NEK1: variants seen among roughly 807,000 people sequenced by gnomAD.
NEK1 encodes serine/threonine-protein kinase Nek1.
A neutral mutation model predicts 182.1 loss-of-function variants in NEK1; 137 were observed. That is an observed-to-expected ratio of 0.75 (90% CI 0.65 to 0.87). The LOEUF is 0.87. Among genes scored for constraint, NEK1 ranks in the 40% least tolerant of loss-of-function variants. NEK1 has a pLI of 0.00. For synonymous variants in NEK1, 513 were observed against 492.2 expected (o/e 1.04, Z -0.56); for missense variants, 1,391 against 1,494.4 (o/e 0.93, Z 1.14).
chr4:169,394,438 T>C lies in NEK1; in HGVS notation c.*72A>G. 3.2e-6 allele frequency: 3 copies of C among 949,338 alleles called. No homozygotes were observed. Among genetic ancestry groups the C allele is most frequent in the Non-Finnish European group, 4.9e-6 (3 of 613,756 alleles). 58.8% of individuals were successfully genotyped at this position (949,338 alleles called of 1,614,324 possible). ...AATAAATAATTGCTGTATTTCCCAC[T>C]GAAGCTTGTTATTCTGATAAGCCAA... is the stretch of plus-strand genomic sequence containing the variant. On this transcript the variant is annotated 3_prime_UTR_variant, in exon 36 of 36. Transcript: ENST00000507142.
intron 11 of NEK1, 68 bp downstream of exon 11, chr4:169,580,774 A>G (rs886711573): frequency 1.2e-5 from 11 of 904,696 alleles, no homozygotes; most frequent in Non-Finnish European, 1.8e-5. Context: ...ACATCTACAT[A>G]TATTTCCAGT....
Position 169,401,828 on chromosome 4 carries a change from T to C in NEK1, c.3407A>G (p.Glu1136Gly). ...VFEETDTDLQELQASMEQLLR... is the reference protein window; with the variant it reads ...VFEETDTDLQGLQASMEQLLR... ...TAACTGTTCCATCGAGGCCTGCAGC[T>C]CTTGTAAATCTGTGTCAGTTTCTTC... Residue 1136 changes from glutamate (E) to glycine (G), a missense_variant, in exon 33 of 36, where the codon GAG becomes GGG. This residue lies in a region of NEK1 where 1,216 missense variants were observed against 1,277.6 expected (regional missense o/e 0.95). Transcript: ENST00000507142. 6.2e-7 allele frequency: 1 copy of C among 1,612,836 alleles called. No homozygotes were observed.
At chr4:169,601,889 C>G in intron 4 of NEK1, 119 bp downstream of exon 4, 1 of 698,376 alleles carries the variant, frequency 1.4e-6, no homozygotes, top group South Asian at 1.8e-5. Context: ...TTGAATCAAG[C>G]TGATATTCAT....
chr4:169,477,204 C>T lies in NEK1; in HGVS notation c.2354G>A (p.Arg785His), dbSNP rs757319297. 14 of 1,607,644 alleles carry T rather than the reference C, an allele frequency of 8.7e-6. No homozygotes were observed. Among genetic ancestry groups the T allele is most frequent in the East Asian group, 6.7e-5 (3 of 44,694 alleles). ...TTGACCTCCTGCCTCCCACTTCTTG[C>T]GATCAGATGAAACTGATTTTTCTTT... ...HEKEKSVSSDRKKWEAGGQLV... is the reference protein window; with the variant it reads ...HEKEKSVSSDHKKWEAGGQLV... Residue 785 changes from arginine to histidine, a missense_variant, in exon 26 of 36, where the codon CGC becomes CAC. Around this residue, in one of 5 missense-constraint regions of NEK1, gnomAD observed 1,216 missense variants for 1,277.6 expected, o/e 0.95. Transcript: ENST00000507142.
At chr4:169,537,989 A>ATT in intron 18 of NEK1, 78 bp from the exon 19 acceptor site, 1 of 1,025,224 alleles carries the variant, frequency 9.8e-7, no homozygotes, top group Non-Finnish European at 1.4e-6. Context: ...TTTATCCTAA[A>ATT]TTTTTTTTTC....
chr4:169,588,153 G>A (rs367930611), intron 8 of NEK1, among the ~76,000 whole-genome samples: 3 of 152,052 alleles, frequency 2.0e-5, no homozygotes, highest in African/African-American at 7.2e-5. Context: ...TATGGGCTTG[G>A]GAGCCAGATG....
intron 29 of NEK1, among the ~76,000 whole-genome samples, chr4:169,431,080 C>A (rs1375675154): frequency 2.0e-5 from 3 of 151,656 alleles, no homozygotes; most frequent in Non-Finnish European, 2.9e-5. Context: ...TATTTAAATA[C>A]AAAAATTTCA....
In NEK1 at chr4:169,585,349, C is replaced by G. The variant is rs1430228188; in HGVS notation, c.807G>C (p.Gln269His). The G allele has an allele frequency of 1.2e-6, 2 of 1,611,558 alleles. No individual in the cohort carries two copies. The highest frequency in any genetic ancestry group is 1.3e-5 in the African/African-American group (1 of 74,786). The change falls in exon 10 of 36, where the codon CAG becomes CAC. Residue 269 changes from glutamine to histidine, a missense_variant and splice_region_variant. Physicochemically the swap from Gln to His is conservative, Grantham distance 24. Around this residue, in one of 5 missense-constraint regions of NEK1, gnomAD observed 1,216 missense variants for 1,277.6 expected, o/e 0.95. Coordinates refer to ENST00000507142, the MANE Select transcript of NEK1 (RefSeq NM_001199397.3). Reference sequence around the variant, plus strand: ...TAATTTTAAAGGAAAAAGAACTTACCTGAGGAGAGAGAAACTTTTCAATGC... The same window carrying G: ...TAATTTTAAAGGAAAAAGAACTTACGTGAGGAGAGAGAAACTTTTCAATGC... ...AKRIEKFLSP[Q>H]LIAEEFCLKT...
chr4:169,477,521 G>C (rs760434252), intron 24 of NEK1, 24 bp from the exon 25 acceptor site: 2 of 1,529,086 alleles, frequency 1.3e-6, no homozygotes, highest in Admixed American at 1.8e-5. Flanking sequence ...TAGATACAGA[G>C]GAAGAGATAA....
chr4:169,610,503 T>G (rs1025105809), intron 2 of NEK1, among the ~76,000 whole-genome samples: 2 of 151,300 alleles, frequency 1.3e-5, no homozygotes, highest in Non-Finnish European at 2.9e-5. Flanking sequence ...TTGGTAGATA[T>G]GGGTTCGCCA....
At chr4:169,490,461 T>C (rs1749855065) in intron 23 of NEK1, among the ~76,000 whole-genome samples, 1 of 151,798 alleles carries the variant, frequency 6.6e-6, no homozygotes, top group African/African-American at 2.4e-5. Context: ...AAGGAATAAT[T>C]CTCCAGATAA....
rs74744265 is a variant in NEK1 at position 169,592,511 on chromosome 4, T to C, written c.313-1702A>G. Among the ~76,000 whole-genome samples, 1,207 of 152,174 alleles carry C rather than the reference T, an allele frequency of 7.9e-3. 13 individuals are homozygous for C. The highest frequency in any genetic ancestry group is 0.028 in the African/African-American group (1,152 of 41,504). On this transcript the variant is annotated intron_variant, in intron 5 of 35. Transcript: ENST00000507142. The stretch of plus-strand genomic sequence containing the variant: ...AATATGCTTATATTCCATACCTGAA[T>C]CTATGTAATTGTGTGTGTGCACTGA...
intron 12 of NEK1, among the ~76,000 whole-genome samples, chr4:169,571,217 A>AATAT (rs1764795259): frequency 6.9e-6 from 1 of 144,528 alleles, no homozygotes; most frequent in Non-Finnish European, 1.6e-5. Flanking sequence ...TAAATAAATA[A>AATAT]ATAAAAAGAA....
intron 31 of NEK1, among the ~76,000 whole-genome samples, chr4:169,422,549 C>T (rs922575528): frequency 3.3e-5 from 5 of 152,122 alleles, no homozygotes; most frequent in Non-Finnish European, 7.4e-5. Context: ...TTTAAACATG[C>T]TTATAAAAGG....
At chr4:169,484,579 G>A (rs1362887379) in intron 23 of NEK1, among the ~76,000 whole-genome samples, 1 of 152,096 alleles carries the variant, frequency 6.6e-6, no homozygotes, top group Non-Finnish European at 1.5e-5. Context: ...AAAAAATAAA[G>A]AGATAAGTAC....
intron 19 of NEK1, among the ~76,000 whole-genome samples, chr4:169,522,581 G>T (rs1304234089): frequency 6.6e-6 from 1 of 152,160 alleles, no homozygotes; most frequent in Non-Finnish European, 1.5e-5. Flanking sequence ...ATACTCTTCT[G>T]GTCTGATTCA....
intron 10 of NEK1, among the ~76,000 whole-genome samples, chr4:169,582,354 T>C (rs1766792020): frequency 6.6e-6 from 1 of 152,160 alleles, no homozygotes; most frequent in African/African-American, 2.4e-5. Context: ...ACATGCAAAC[T>C]GTCAGGCTCC....
intron 29 of NEK1, among the ~76,000 whole-genome samples, chr4:169,430,345 G>T (rs958477382): frequency 1.3e-5 from 2 of 152,056 alleles, no homozygotes; most frequent in African/African-American, 4.8e-5. Flanking sequence ...ACCACACCTG[G>T]CTAATTTATT....
chr4:169,586,101 A>G (rs956178313), intron 9 of NEK1, among the ~76,000 whole-genome samples: 4 of 152,154 alleles, frequency 2.6e-5, no homozygotes, highest in Admixed American at 2.0e-4. Context: ...ATAGGAATAT[A>G]TATGTCAGAA....
Sources: allele counts gnomAD v4.1 joint callset (sites outside exome capture counted in the v4.1 genomes callset), GRCh38; gene constraint gnomAD v4.1.1; regional missense constraint gnomAD v4.1.1; transcripts MANE v1.5; gene names NCBI Gene and HGNC (gene_info 2026-07-23, HGNC 2026-07-21).